The following PTPN7 variants were observed in gnomAD, a reference collection of about 807,000 sequenced individuals.
PTPN7 encodes the protein protein tyrosine phosphatase non-receptor type 7.
PTPN7 carries 33 observed loss-of-function variants against 50.3 expected under a neutral mutation model. The observed-to-expected ratio is 0.66, with a 90% CI of 0.50 to 0.88. PTPN7 has a LOEUF of 0.88. Ranked by LOEUF, PTPN7 falls within the 40% of genes least tolerant of loss-of-function variation. The pLI, the probability that PTPN7 is intolerant of heterozygous loss-of-function variation, is 0.00. For synonymous variants in PTPN7, 185 were observed against 186.6 expected, an observed-to-expected ratio of 0.99 and a Z score of 0.07; for missense variants, 412 against 475.4, an observed-to-expected ratio of 0.87 and a Z score of 1.24.
chr1:202,160,424 G>T lies in PTPN7; in HGVS notation c.-53+121C>A. 1.9e-6 allele frequency: 2 copies of T among 1,051,600 alleles called. No homozygotes were observed. The highest frequency in any genetic ancestry group is 2.8e-6 in the Non-Finnish European group (2 of 725,544). The allele number at this position is 1,051,600 out of a possible 1,614,324, so 65.1% of individuals were successfully genotyped here. A position where few individuals can be genotyped will look rare whatever the true frequency, so the allele number is the denominator to read the frequency against. On this transcript the variant is annotated intron_variant, in intron 1 of 9. Coordinates refer to ENST00000691036, the MANE Select transcript of PTPN7 (RefSeq NM_002832.4). The surrounding 1 kb of genome is among the most constrained non-coding windows in gnomAD (Gnocchi z 4.8). ...CAGGTCTGTGAGCACCCATACCCCA[G>T]CCAGGCACTGTGGCGCCCCACTCGC...
intron 4 of PTPN7, among the ~76,000 whole-genome samples, chr1:202,156,770 G>A (rs978627652): frequency 5.9e-5 from 9 of 152,200 alleles, no homozygotes; most frequent in Non-Finnish European, 1.2e-4. Flanking sequence ...GACAGGGCCC[G>A]AGTGCTCACT....
At chr1:202,161,173 T>A (rs1313385255), upstream of PTPN7, 3 of 1,133,874 alleles carry the variant, frequency 2.6e-6, no homozygotes, top group African/African-American at 1.6e-5. Context: ...TGCCTCACAA[T>A]GTGAAGGAAA....
rs1368927511 is a variant in PTPN7 at position 202,160,567 on chromosome 1, C to T, written c.-75G>A. 1.3e-6 allele frequency: 2 copies of T among 1,549,506 alleles called. No individual in the cohort carries two copies. The highest frequency in any genetic ancestry group is 2.0e-5 in the Admixed American group (1 of 50,964). On this transcript the variant is annotated 5_prime_UTR_variant, in exon 1 of 10. Coordinates refer to ENST00000691036, the MANE Select transcript of PTPN7 (RefSeq NM_002832.4). This position sits in a 1 kb window ranked among gnomAD's most constrained non-coding sequence, Gnocchi z 4.8. Reference sequence around the variant, plus strand: ...TACTGAAGCAGCTGTGGCCCCCAGGCTGCCTCTTGCCAGCTGTCTGTCTGT... The same window carrying T: ...TACTGAAGCAGCTGTGGCCCCCAGGTTGCCTCTTGCCAGCTGTCTGTCTGT...
Position 202,153,624 on chromosome 1 carries a change from G to C in PTPN7, c.717+101C>G. On this transcript the variant is annotated intron_variant, in intron 7 of 9. Transcript: ENST00000691036. ...ATAGATGTGGGTTTAAGATGGTTTA[G>C]AAGAGCAAACCCTTGGCTCCTAGTG... The C allele has an allele frequency of 5.3e-6, 5 of 936,102 alleles. No individual in the cohort carries two copies. In the South Asian group the frequency reaches 7.3e-5, roughly 14 times the overall value. The allele number at this position is 936,102 out of a possible 1,614,324, so 58.0% of individuals were successfully genotyped here. A position where few individuals can be genotyped will look rare whatever the true frequency, so the allele number is the denominator to read the frequency against.
At chr1:202,151,042 CTG>C (rs1419268083) in intron 8 of PTPN7, among the ~76,000 whole-genome samples, 1 of 152,170 alleles carries the variant, frequency 6.6e-6, no homozygotes, top group East Asian at 1.9e-4. Context: ...CCTCTGTGCT[CTG>C]TTTTATTTAG....
rs1188503499 is a variant in PTPN7 at position 202,153,844 on chromosome 1, G to T, written c.607-9C>A. The T allele has an allele frequency of 6.2e-7, 1 of 1,608,222 alleles. No homozygotes were observed. The highest frequency in any genetic ancestry group is 1.7e-5 in the Admixed American group (1 of 60,014). On this transcript the variant is annotated splice_polypyrimidine_tract_variant and intron_variant, in intron 6 of 9. Coordinates refer to ENST00000691036, the MANE Select transcript of PTPN7 (RefSeq NM_002832.4). ...CAGTAGTGGACACATTTCTAGGAGG[G>T]AGGGAGCTGGGAGTCAGAAGAGGGT...
At chr1:202,153,047 T>C (rs539140285) in intron 7 of PTPN7, among the ~76,000 whole-genome samples, 6 of 152,312 alleles carry the variant, frequency 3.9e-5, no homozygotes, top group African/African-American at 1.4e-4. Flanking sequence ...TGGAGGAGAA[T>C]GAGTTGATAG....
chr1:202,151,666 C>T (rs1395479926), intron 8 of PTPN7, among the ~76,000 whole-genome samples: 16 of 151,206 alleles, frequency 1.1e-4, no homozygotes, highest in East Asian at 2.0e-4. Flanking sequence ...TACAGGCATG[C>T]GCCACCATGT....
chr1:202,159,359 G>A lies in PTPN7; in HGVS notation c.44C>T (p.Thr15Ile). 1 of 1,614,248 alleles carries A rather than the reference G, an allele frequency of 6.2e-7. No homozygotes were observed. The highest frequency in any genetic ancestry group is 8.5e-7 in the Non-Finnish European group (1 of 1,180,050). The change falls in exon 2 of 10, where the codon ACC (threonine) becomes ATC (isoleucine). Residue 15 changes from threonine to isoleucine, a missense_variant. By Grantham distance (89) the Thr-to-Ile change is moderately conservative. Coordinates refer to ENST00000691036, the MANE Select transcript of PTPN7 (RefSeq NM_002832.4). The surrounding 1 kb of genome is among the most constrained non-coding windows in gnomAD (Gnocchi z 4.6). Reference protein sequence around the residue: ...HGGRSRAQPLTLSLGAAMTQP... With the variant: ...HGGRSRAQPLILSLGAAMTQP... ...GGTCATGGCTGCCCCCAAAGACAAG[G>A]TCAACGGCTGTGCTCTGGAGCGCCC...
In PTPN7 at chr1:202,159,579, C is replaced by A; in HGVS notation, c.-52-125G>T. 1 of 1,491,244 alleles carries A rather than the reference C, an allele frequency of 6.7e-7. No homozygotes were observed. The highest frequency in any genetic ancestry group is 2.3e-5 in the East Asian group (1 of 43,724). 92.4% of individuals were successfully genotyped at this position (1,491,244 alleles called of 1,614,324 possible). On this transcript the variant is annotated intron_variant, in intron 1 of 9. Coordinates refer to ENST00000691036, the MANE Select transcript of PTPN7 (RefSeq NM_002832.4). This position sits in a 1 kb window ranked among gnomAD's most constrained non-coding sequence, Gnocchi z 4.6. Reference sequence around the variant, plus strand: ...CGTCTTCTGTTCCCCAAGAGGTGGCCTCATTTTCACTAAGGGAAGGACAGG... The same window carrying A: ...CGTCTTCTGTTCCCCAAGAGGTGGCATCATTTTCACTAAGGGAAGGACAGG...
chr1:202,153,522 G>A (rs553264348), intron 7 of PTPN7, among the ~76,000 whole-genome samples: 3 of 152,196 alleles, frequency 2.0e-5, no homozygotes, highest in Non-Finnish European at 4.4e-5. Context: ...AGTACTTCCC[G>A]GTAGTCCTAT....
rs950488840 is a variant in PTPN7 at position 202,147,615 on chromosome 1, C to T, written c.*991G>A. The stretch of plus-strand genomic sequence containing the variant: ...GATGCTGAGATGGATGAGGGGTGCT[C>T]ATTCTCTCAGGTAGACAGTGAGGAG... On this transcript the variant is annotated 3_prime_UTR_variant, in exon 10 of 10. Transcript: ENST00000691036. The T allele has an allele frequency of 6.6e-6, 1 of 152,196 alleles. No individual in the cohort carries two copies. Among genetic ancestry groups the T allele is most frequent in the Non-Finnish European group, 1.5e-5 (1 of 68,088 alleles). 9.4% of individuals were successfully genotyped at this position (152,196 alleles called of 1,614,324 possible).
chr1:202,148,829 C>A, intron 9 of PTPN7, 130 bp from the exon 10 acceptor site: 2 of 479,798 alleles, frequency 4.2e-6, no homozygotes, highest in East Asian at 4.0e-5. Context: ...AACTCCTTTG[C>A]CTATATTCAT....
intron 4 of PTPN7, among the ~76,000 whole-genome samples, chr1:202,156,520 G>A (rs1274295350): frequency 6.6e-6 from 1 of 152,214 alleles, no homozygotes; most frequent in Non-Finnish European, 1.5e-5. Context: ...TGAAGAAGCT[G>A]GCTTGTGAGG....
At chr1:202,161,536 C>T (rs1403221548), upstream of PTPN7, 15 of 1,288,610 alleles carry the variant, frequency 1.2e-5, no homozygotes, top group South Asian at 7.4e-5. Context: ...AGGCTCCTTG[C>T]GGGCCAGCAG....
chr1:202,155,431 A>G, intron 5 of PTPN7, 102 bp downstream of exon 5: 2 of 1,137,956 alleles, frequency 1.8e-6, no homozygotes, highest in Non-Finnish European at 2.6e-6. Context: ...CAGGGAGGGT[A>G]GGAAATGCAG....
intron 4 of PTPN7, among the ~76,000 whole-genome samples, chr1:202,155,874 C>A (rs1311384156): frequency 6.6e-6 from 1 of 152,228 alleles, no homozygotes; most frequent in Non-Finnish European, 1.5e-5. Context: ...ATACTTTTGT[C>A]TCAGCCTTTG....
Position 202,159,517 on chromosome 1 carries a change from C to G in PTPN7, c.-52-63G>C. The G allele has an allele frequency of 6.4e-7, 1 of 1,565,202 alleles. No individual in the cohort carries two copies. The highest frequency in any genetic ancestry group is 8.7e-7 in the Non-Finnish European group (1 of 1,153,596). On this transcript the variant is annotated intron_variant, in intron 1 of 9. Transcript: ENST00000691036. This position sits in a 1 kb window ranked among gnomAD's most constrained non-coding sequence, Gnocchi z 4.6. ...GCCTGATTGGCCAGAAGGAGGCTCC[C>G]ATGCCAGGCCAGGTTTGCACTCTGT... is the stretch of plus-strand genomic sequence containing the variant.
rs1657138029 is a variant in PTPN7, at chr1:202,159,742, G to A, written c.-52-288C>T. On this transcript the variant is annotated intron_variant, in intron 1 of 9. Transcript: ENST00000691036. This position sits in a 1 kb window ranked among gnomAD's most constrained non-coding sequence, Gnocchi z 4.6. ...GAGGGGAGAGAGGCCACACACCAGA[G>A]TACACAGGGCTCTGAGCAGGTCCAA... 2.2e-6 allele frequency: 3 copies of A among 1,345,234 alleles called. No homozygotes were observed. The highest frequency in any genetic ancestry group is 2.9e-6 in the Non-Finnish European group (3 of 1,049,292). The allele number at this position is 1,345,234 out of a possible 1,614,324, so 83.3% of individuals were successfully genotyped here. A position where few individuals can be genotyped will look rare whatever the true frequency, so the allele number is the denominator to read the frequency against.
Sources: allele counts gnomAD v4.1 joint callset (sites outside exome capture counted in the v4.1 genomes callset), GRCh38; gene constraint gnomAD v4.1.1; non-coding constraint Gnocchi (gnomAD v3.1); transcripts MANE v1.5; gene names NCBI Gene and HGNC (gene_info 2026-07-23, HGNC 2026-07-21).